The following TAFA2 variants were observed in gnomAD, a reference collection of about 807,000 sequenced individuals.
TAFA2 encodes the protein TAFA chemokine like family member 2, also known as chemokine-like protein TAFA-2.
Under a neutral mutation model 18.8 loss-of-function variants are expected in TAFA2, and 7 were observed. The ratio of observed to expected loss-of-function variants is 0.37; its 90% CI spans 0.21 to 0.70. The LOEUF is 0.70. Ranked by LOEUF, TAFA2 falls within the 30% of genes least tolerant of loss-of-function variation. The pLI, the probability that TAFA2 is intolerant of heterozygous loss-of-function variation, is 0.53. For synonymous variants in TAFA2, 60 were observed against 54.2 expected, an observed-to-expected ratio of 1.11 and a Z score of -0.47; for missense variants, 122 against 158.1, an observed-to-expected ratio of 0.77 and a Z score of 1.23.
intron 2 of TAFA2, among the ~76,000 whole-genome samples, chr12:61,814,725 G>A (rs992862947): frequency 4.6e-5 from 7 of 151,160 alleles, no homozygotes; most frequent in African/African-American, 1.7e-4. Flanking sequence ...ATCTCAGTGG[G>A]TCCAATGTAA....
chr12:61,734,124 G>C (rs948524226), intron 4 of TAFA2, among the ~76,000 whole-genome samples: 2 of 150,480 alleles, frequency 1.3e-5, no homozygotes, highest in African/African-American at 2.4e-5. Context: ...CATTGATTTT[G>C]TATCCTGAGA....
At chr12:61,938,518 A>G (rs1877868422) in intron 1 of TAFA2, among the ~76,000 whole-genome samples, 1 of 152,122 alleles carries the variant, frequency 6.6e-6, no homozygotes, top group African/African-American at 2.4e-5. Context: ...TAAAGAACTA[A>G]AAGTAAATCT....
chr12:61,783,650 G>A (rs1870601436), intron 2 of TAFA2, among the ~76,000 whole-genome samples: 1 of 151,506 alleles, frequency 6.6e-6, no homozygotes, highest in Non-Finnish European at 1.5e-5. Flanking sequence ...TTCAGAAAAG[G>A]ATAGTGAGCA....
intron 1 of TAFA2, among the ~76,000 whole-genome samples, chr12:62,242,197 T>C (rs1341364675): frequency 6.6e-6 from 1 of 152,170 alleles, no homozygotes; most frequent in Non-Finnish European, 1.5e-5. Flanking sequence ...ATAAATTATC[T>C]TAAAGTTTAG....
At chr12:62,144,708 G>A (rs2136911670) in intron 1 of TAFA2, among the ~76,000 whole-genome samples, 1 of 152,278 alleles carries the variant, frequency 6.6e-6, no homozygotes, top group Middle Eastern at 3.4e-3. Flanking sequence ...TTAAAGCAAT[G>A]TCCCAGGCCC....
intron 1 of TAFA2, among the ~76,000 whole-genome samples, chr12:62,167,053 C>T (rs139038931): frequency 1.6e-3 from 235 of 151,308 alleles, no homozygotes; most frequent in African/African-American, 5.1e-3. Context: ...GAATGATCTC[C>T]GAAAACACTA....
intron 2 of TAFA2, among the ~76,000 whole-genome samples, chr12:61,810,824 C>A (rs1202737711): frequency 1.3e-5 from 2 of 150,628 alleles, no homozygotes. Flanking sequence ...GAAGTACTTG[C>A]CCAAGGTGAC....
At chr12:61,714,095 G>C (rs989585494) in intron 4 of TAFA2, among the ~76,000 whole-genome samples, 16 of 152,110 alleles carry the variant, frequency 1.1e-4, no homozygotes, top group African/African-American at 3.6e-4. Flanking sequence ...CAGTTTTACA[G>C]GATGGGAGAT....
intron 2 of TAFA2, among the ~76,000 whole-genome samples, chr12:61,806,276 C>T (rs1346710497): frequency 6.6e-6 from 1 of 152,144 alleles, no homozygotes; most frequent in Non-Finnish European, 1.5e-5. Flanking sequence ...TTCCCATACT[C>T]TTCTTGTGAT....
At chr12:61,808,470 A>AT (rs1462570334) in intron 2 of TAFA2, among the ~76,000 whole-genome samples, 4 of 151,488 alleles carry the variant, frequency 2.6e-5, no homozygotes, top group African/African-American at 9.8e-5. Context: ...TATGTGGTAC[A>AT]TCCCCCACCT....
intron 2 of TAFA2, among the ~76,000 whole-genome samples, chr12:61,845,073 A>G: frequency 6.6e-6 from 1 of 152,160 alleles, no homozygotes; most frequent in Non-Finnish European, 1.5e-5. Flanking sequence ...AAAAGTTAGC[A>G]GAGAACAAAC....
chr12:61,776,195 T>C (rs1350442690), intron 2 of TAFA2: 1 of 263,050 alleles, frequency 3.8e-6, no homozygotes, highest in African/African-American at 2.3e-5. Context: ...TTAATGTGTG[T>C]ATTGAGCATA....
At chr12:61,981,596 C>A (rs1416650848) in intron 1 of TAFA2, among the ~76,000 whole-genome samples, 1 of 152,170 alleles carries the variant, frequency 6.6e-6, no homozygotes, top group Non-Finnish European at 1.5e-5. Context: ...CTACAAAGAA[C>A]TCAAACAAAT....
chr12:62,254,877 C>T (rs780212378), intron 1 of TAFA2, among the ~76,000 whole-genome samples: 3 of 152,062 alleles, frequency 2.0e-5, no homozygotes, highest in Non-Finnish European at 2.9e-5. Context: ...CCATCTCAGC[C>T]CAAATGAAGT....
intron 1 of TAFA2, among the ~76,000 whole-genome samples, chr12:61,997,566 G>A (rs1489502861): frequency 2.6e-5 from 4 of 152,118 alleles, no homozygotes; most frequent in African/African-American, 9.7e-5. Flanking sequence ...AAGAAAAGGG[G>A]AGGTGGTGAC....
intron 1 of TAFA2, among the ~76,000 whole-genome samples, chr12:62,208,624 T>C (rs199499185): frequency 3.9e-4 from 1 of 2,558 alleles, no homozygotes; most frequent in South Asian, 9.1e-3. Flanking sequence ...TCCAAATTTA[T>C]CAGGAAATTA....
chr12:61,931,952 C>G (rs1877572861), intron 1 of TAFA2, among the ~76,000 whole-genome samples: 2 of 152,138 alleles, frequency 1.3e-5, no homozygotes, highest in East Asian at 3.9e-4. Context: ...TGTTTTTATC[C>G]CTTACAAATT....
chr12:61,720,876 C>T (rs777544087), intron 4 of TAFA2: 2 of 515,528 alleles, frequency 3.9e-6, no homozygotes, highest in Non-Finnish European at 7.7e-6. Flanking sequence ...CAGCAGAAAC[C>T]TTCTCTTTCT....
intron 2 of TAFA2, among the ~76,000 whole-genome samples, chr12:61,825,689 A>G (rs17604752): frequency 0.016 from 2,481 of 152,240 alleles, 56 homozygotes; most frequent in East Asian, 0.1. Flanking sequence ...TTCAGGGTGC[A>G]GCACCGTCTT....
Sources: gnomAD v4.1 joint callset for allele counts (sites outside exome capture counted in the v4.1 genomes callset) on GRCh38, gnomAD v4.1.1 for gene constraint, MANE v1.5 for transcripts, NCBI Gene and HGNC (gene_info 2026-07-23, HGNC 2026-07-21) for gene names.